Variants in AP3B1 observed in about 807,000 individuals in gnomAD.
The protein encoded by AP3B1 is AP-3 complex subunit beta-1.
A neutral mutation model predicts 132.5 loss-of-function variants in AP3B1; 61 were observed. The observed-to-expected ratio is 0.46, with a 90% CI of 0.37 to 0.57. AP3B1 has a LOEUF of 0.57. Among genes scored for constraint, AP3B1 ranks in the 20% least tolerant of loss-of-function variants. The probability of loss-of-function intolerance (pLI) is 0.00; values close to 1 mark genes in which losing one functional copy is unlikely to be tolerated. For missense variants in AP3B1, 1,120 were observed against 1,289.4 expected (o/e 0.87, Z 2.01); for synonymous variants, 388 against 438.3 (o/e 0.89, Z 1.43).
intron 5 of AP3B1, 51 bp downstream of exon 5, chr5:78,227,321 C>T (rs1300891843): frequency 8.3e-6 from 13 of 1,570,860 alleles, no homozygotes; most frequent in Non-Finnish European, 1.1e-5. Context: ...TGGTCTATAA[C>T]ATTCCATGTA....
chr5:78,240,346 T>C (rs1016700998), intron 3 of AP3B1, among the ~76,000 whole-genome samples: 1 of 152,156 alleles, frequency 6.6e-6, no homozygotes, highest in African/African-American at 2.4e-5. Flanking sequence ...TAGACTATAT[T>C]AGTGTAGCTT....
intron 22 of AP3B1, among the ~76,000 whole-genome samples, chr5:78,068,797 CA>C (rs139093954): frequency 0.27 from 39,864 of 147,774 alleles, 5,993 homozygotes; most frequent in Admixed American, 0.4. Context: ...GAGATAACAA[CA>C]AAAAAAAAAG....
chr5:78,294,648 G>A lies in AP3B1; in HGVS notation c.-69C>T, dbSNP rs929889468. On this transcript the variant is annotated 5_prime_UTR_variant, in exon 1 of 27. Coordinates refer to ENST00000255194, the MANE Select transcript of AP3B1 (RefSeq NM_003664.5). Reference sequence around the variant, plus strand: ...CTCTCCAAAAGGTTCCAGTCCAGAGGGCACGGAACAAAACTAGTTCTCGTA... The same window carrying A: ...CTCTCCAAAAGGTTCCAGTCCAGAGAGCACGGAACAAAACTAGTTCTCGTA... 1.2e-6 allele frequency: 2 copies of A among 1,609,330 alleles called. No homozygotes were observed. Among genetic ancestry groups the A allele is most frequent in the African/African-American group, 1.3e-5 (1 of 75,062 alleles).
rs1748383342 is a variant in AP3B1 at position 78,267,680 on chromosome 5, A to G, written c.129-85T>C. 1.3e-5 allele frequency: 11 copies of G among 852,430 alleles called. 1 individual carries two copies. In the South Asian group the frequency reaches 1.6e-4, roughly 12 times the overall value. The allele number at this position is 852,430 out of a possible 1,614,324, so 52.8% of individuals were successfully genotyped here. ...ATATATCATTTTCATAAGAATTAGA[A>G]GTAATATCATGGGCAATGTTAAATA... is the stretch of plus-strand genomic sequence containing the variant. On this transcript the variant is annotated intron_variant, in intron 1 of 26. Transcript: ENST00000255194.
intron 1 of AP3B1, among the ~76,000 whole-genome samples, chr5:78,272,000 C>A (rs1193100889): frequency 6.6e-6 from 1 of 152,202 alleles, no homozygotes; most frequent in Non-Finnish European, 1.5e-5. Flanking sequence ...GAGAGTCCAG[C>A]ACTTTTAAAG....
intron 23 of AP3B1, among the ~76,000 whole-genome samples, chr5:78,035,762 A>G (rs1747785568): frequency 6.6e-6 from 1 of 152,048 alleles, no homozygotes; most frequent in Admixed American, 6.6e-5. Context: ...CAAACCTAAC[A>G]TTTTCCAGGA....
At chr5:78,193,772 T>TATATATA (rs1561469679) in intron 7 of AP3B1, among the ~76,000 whole-genome samples, 2 of 91,210 alleles carry the variant, frequency 2.2e-5, no homozygotes, top group Non-Finnish European at 5.0e-5. Flanking sequence ...ATATATATAT[T>TATATATA]TTTTTTTTAG....
rs999432092 is a variant in AP3B1 at position 78,264,916 on chromosome 5, T to C, written c.204+2604A>G. 7.2e-5 allele frequency among the ~76,000 whole-genome samples: 11 copies of C among 152,348 alleles called. No homozygotes were observed. The South Asian group carries it at 2.1e-3, about 29-fold the overall frequency. ...TTTCTGCTTGCATTCCTGCAGGGCA[T>C]AGACCTGCACTACCATGCAAAGTAG... On this transcript the variant is annotated intron_variant, in intron 2 of 26. Coordinates refer to ENST00000255194, the MANE Select transcript of AP3B1 (RefSeq NM_003664.5).
chr5:78,155,031 G>A (rs1055410967), intron 14 of AP3B1, among the ~76,000 whole-genome samples: 1 of 150,724 alleles, frequency 6.6e-6, no homozygotes, highest in East Asian at 1.9e-4. Flanking sequence ...ATCAGTCTCT[G>A]GGCATTGAAG....
At chr5:78,084,143 T>C (rs552982045) in intron 22 of AP3B1, among the ~76,000 whole-genome samples, 3 of 152,250 alleles carry the variant, frequency 2.0e-5, no homozygotes, top group African/African-American at 7.2e-5. Flanking sequence ...TATCATTTCA[T>C]AGTTGAAAAA....
intron 14 of AP3B1, among the ~76,000 whole-genome samples, chr5:78,150,587 T>C (rs1296926972): frequency 6.6e-6 from 1 of 152,192 alleles, no homozygotes; most frequent in Non-Finnish European, 1.5e-5. Context: ...GCAGCACTAC[T>C]ATGTGCCAGC....
At chr5:78,012,666 C>T (rs1051496914) in intron 26 of AP3B1, among the ~76,000 whole-genome samples, 1 of 152,328 alleles carries the variant, frequency 6.6e-6, no homozygotes, top group East Asian at 1.9e-4. Context: ...AACTTGGGCC[C>T]TCCCCCAGGT....
chr5:78,069,120 A>G (rs1749421734), intron 22 of AP3B1, among the ~76,000 whole-genome samples: 1 of 152,222 alleles, frequency 6.6e-6, no homozygotes, highest in Non-Finnish European at 1.5e-5. Context: ...AATAATTAAG[A>G]GCCATTTATG....
chr5:78,148,494 C>T lies in AP3B1; in HGVS notation c.1474-7175G>A, dbSNP rs189475306. 1.3e-3 allele frequency among the ~76,000 whole-genome samples: 195 copies of T among 152,300 alleles called. 2 individuals carry two copies. Among genetic ancestry groups the T allele is most frequent in the African/African-American group, 4.5e-3 (189 of 41,568 alleles). On this transcript the variant is annotated intron_variant, in intron 14 of 26. Coordinates refer to ENST00000255194, the MANE Select transcript of AP3B1 (RefSeq NM_003664.5). ...AGACTACCATAATAATTTCACTTCT[C>T]TCCACTCTCTTCCTCCCACAAAACC...
intron 23 of AP3B1, among the ~76,000 whole-genome samples, chr5:78,038,616 A>G (rs1747908815): frequency 6.6e-6 from 1 of 152,230 alleles, no homozygotes; most frequent in Non-Finnish European, 1.5e-5. Context: ...AAGTGAAGGG[A>G]AACAGGAAAG....
Position 78,267,602 on chromosome 5 carries a change from CA to C in AP3B1, c.129-8del. ...TTGCTTTAGATCTTCATTCCTATTACAAAAGAGAAGAAAAAAAATCCATACT... is the reference window on the plus strand; with the variant it reads ...TTGCTTTAGATCTTCATTCCTATTACAAAGAGAAGAAAAAAAATCCATACT... On this transcript the variant is annotated splice_polypyrimidine_tract_variant and splice_region_variant and intron_variant, in intron 1 of 26. Transcript: ENST00000255194. The C allele has an allele frequency of 6.4e-7, 1 of 1,567,998 alleles. No individual in the cohort carries two copies. The highest frequency in any genetic ancestry group is 8.8e-7 in the Non-Finnish European group (1 of 1,141,852).
chr5:78,193,759 TA>T (rs1744954456), intron 7 of AP3B1, among the ~76,000 whole-genome samples: 1 of 118,990 alleles, frequency 8.4e-6, no homozygotes, highest in African/African-American at 3.2e-5. Flanking sequence ...TATATATATA[TA>T]TATATATATA....
At chr5:78,217,447 T>C (rs776631066) in intron 6 of AP3B1, among the ~76,000 whole-genome samples, 5 of 152,142 alleles carry the variant, frequency 3.3e-5, no homozygotes, top group Non-Finnish European at 7.4e-5. Context: ...CCAGCATGTA[T>C]GCACCTCAAT....
intron 1 of AP3B1, among the ~76,000 whole-genome samples, chr5:78,286,962 T>C (rs188754678): frequency 1.3e-5 from 2 of 152,224 alleles, no homozygotes; most frequent in Admixed American, 6.5e-5. Context: ...AATTTTGAAT[T>C]TGGACTGCAG....
Sources: gnomAD v4.1 joint callset for allele counts (sites outside exome capture counted in the v4.1 genomes callset) on GRCh38, gnomAD v4.1.1 for gene constraint, MANE v1.5 for transcripts, NCBI Gene and HGNC (gene_info 2026-07-23, HGNC 2026-07-21) for gene names.